SGCD: variants seen among roughly 807,000 people sequenced by gnomAD.
SGCD encodes sarcoglycan delta, also known as delta-sarcoglycan.
A neutral mutation model predicts 36.6 loss-of-function variants in SGCD; 18 were observed. That is an observed-to-expected ratio of 0.49 (90% CI 0.34 to 0.73). The LOEUF is 0.73. Ranked by LOEUF, SGCD falls within the 30% of genes least tolerant of loss-of-function variation. The pLI, the probability that SGCD is intolerant of heterozygous loss-of-function variation, is 0.01. For missense variants in SGCD, 387 were observed against 346.7 expected (o/e 1.12, Z -0.92); for synonymous variants, 133 against 130.6 (o/e 1.02, Z -0.12).
intron 1 of SGCD, among the ~76,000 whole-genome samples, chr5:155,924,478 A>G (rs244958): frequency 0.87 from 131,904 of 152,218 alleles, 57,152 homozygotes; most frequent in Admixed American, 0.91. Flanking sequence ...CATGGAAGGA[A>G]AGCCCAGAGA....
chr5:156,638,448 C>T (rs2113555542), intron 6 of SGCD, among the ~76,000 whole-genome samples: 1 of 152,280 alleles, frequency 6.6e-6, no homozygotes, highest in Non-Finnish European at 1.5e-5. Context: ...AGTGCATCAT[C>T]TTTGAGAACC....
intron 3 of SGCD, among the ~76,000 whole-genome samples, chr5:156,307,557 T>TGTTG (rs1157808007): frequency 7.3e-5 from 7 of 95,628 alleles, no homozygotes; most frequent in Non-Finnish European, 1.4e-4. Context: ...TAACTGTTGT[T>TGTTG]TTTTTTTTTT....
chr5:155,925,383 A>G (rs1029165361), intron 1 of SGCD, among the ~76,000 whole-genome samples: 2 of 152,206 alleles, frequency 1.3e-5, no homozygotes, highest in African/African-American at 4.8e-5. Flanking sequence ...TGGAGGCCAG[A>G]CATGTGAAAT....
chr5:155,769,383 A>G, the SGCD span, among the ~76,000 whole-genome samples: 2 of 151,784 alleles, frequency 1.3e-5, no homozygotes, highest in African/African-American at 4.8e-5. Context: ...AAAAAAAAAG[A>G]AAGAAAAAAG....
In SGCD at chr5:156,068,637, C is replaced by T. The variant is rs1166039023; in HGVS notation, c.-281-49241C>T. On this transcript the variant is annotated intron_variant, in intron 1 of 9. Transcript: ENST00000517913. ...ATTTATAGTCCTTTGGGTATATACC[C>T]AGTAATGGGATGGCTGGGTCAAATG... Among the ~76,000 whole-genome samples, 5 of 151,696 alleles carry T rather than the reference C, an allele frequency of 3.3e-5. No individual in the cohort carries two copies. The East Asian group carries it at 7.7e-4, about 23-fold the overall frequency.
chr5:155,821,148 C>A, the SGCD span, among the ~76,000 whole-genome samples: 2 of 152,116 alleles, frequency 1.3e-5, no homozygotes, highest in African/African-American at 4.8e-5. Context: ...ATACTTGAAA[C>A]CTAAACTGAA....
chr5:156,392,995 A>C (rs952453475), intron 3 of SGCD, among the ~76,000 whole-genome samples: 24 of 152,214 alleles, frequency 1.6e-4, no homozygotes, highest in African/African-American at 5.8e-4. Context: ...TTTGGGCAGA[A>C]AAACAAAAAT....
intron 7 of SGCD, among the ~76,000 whole-genome samples, chr5:156,666,811 A>G (rs1161122426): frequency 1.3e-5 from 2 of 152,110 alleles, no homozygotes; most frequent in East Asian, 3.9e-4. Flanking sequence ...AGCACATAAC[A>G]AAATGGAGTC....
At chr5:155,765,727 AC>A in the SGCD span, among the ~76,000 whole-genome samples, 1 of 152,196 alleles carries the variant, frequency 6.6e-6, no homozygotes, top group Non-Finnish European at 1.5e-5. Context: ...AATTAAAAAA[AC>A]AAAAACAATA....
chr5:156,464,216 A>ATT (rs773294916), intron 3 of SGCD, among the ~76,000 whole-genome samples: 4,506 of 116,148 alleles, frequency 0.039, 176 homozygotes, highest in African/African-American at 0.082. Context: ...GAATCTACAT[A>ATT]TTTTTTTTTT....
chr5:156,146,278 T>A (rs1247677514), intron 3 of SGCD, among the ~76,000 whole-genome samples: 1 of 152,274 alleles, frequency 6.6e-6, no homozygotes, highest in Non-Finnish European at 1.5e-5. Flanking sequence ...CATTCAAAGA[T>A]AAATAAACAT....
chr5:156,302,378 T>C (rs1213780357), intron 3 of SGCD, among the ~76,000 whole-genome samples: 3 of 152,188 alleles, frequency 2.0e-5, no homozygotes, highest in Admixed American at 1.3e-4. Flanking sequence ...TATTTTAATC[T>C]CTCTCTTACA....
rs149613487 is a variant in SGCD at position 156,528,699 on chromosome 5, T to C, written c.294+19997T>C. ...AGAGCTAAGAGAGGGCTAAAGGTAA[T>C]AAGTTTCATCTTTACGTACTCTGCA... On this transcript the variant is annotated intron_variant, in intron 4 of 8. Transcript: ENST00000337851. Among the ~76,000 whole-genome samples, 372 of 152,264 alleles carry C rather than the reference T, an allele frequency of 2.4e-3. 5 individuals carry two copies. Among genetic ancestry groups the C allele is most frequent in the East Asian group, 8.7e-3 (45 of 5,168 alleles).
intron 1 of SGCD, among the ~76,000 whole-genome samples, chr5:155,982,239 A>T (rs1758243620): frequency 6.6e-6 from 1 of 152,110 alleles, no homozygotes; most frequent in South Asian, 2.1e-4. Context: ...CTGTCGGGGC[A>T]TGAGGGCAGG....
At chr5:156,711,672 C>T (rs966889568) in intron 7 of SGCD, among the ~76,000 whole-genome samples, 5 of 152,138 alleles carry the variant, frequency 3.3e-5, no homozygotes, top group Non-Finnish European at 7.4e-5. Flanking sequence ...TTGAAATCAG[C>T]TTTTATATTT....
chr5:155,904,530 A>T (rs1390289616), intron 1 of SGCD, among the ~76,000 whole-genome samples: 1 of 152,190 alleles, frequency 6.6e-6, no homozygotes, highest in Non-Finnish European at 1.5e-5. Flanking sequence ...TTTATTTTAA[A>T]ATATATAATG....
intron 4 of SGCD, among the ~76,000 whole-genome samples, chr5:156,548,165 T>C (rs1193535417): frequency 2.0e-5 from 3 of 152,214 alleles, no homozygotes; most frequent in African/African-American, 7.2e-5. Context: ...AATCCTCTTT[T>C]TAGGTGTTAA....
intron 6 of SGCD, among the ~76,000 whole-genome samples, chr5:156,596,672 C>G (rs923062586): frequency 1.3e-5 from 2 of 152,128 alleles, no homozygotes; most frequent in Non-Finnish European, 2.9e-5. Flanking sequence ...CTCTCTTCCT[C>G]TCTCAGTACA....
intron 7 of SGCD, among the ~76,000 whole-genome samples, chr5:156,749,077 G>A (rs1157189363): frequency 6.6e-6 from 1 of 151,960 alleles, no homozygotes; most frequent in African/African-American, 2.4e-5. Context: ...AATTTTTAAG[G>A]AACTGATGTT....
Sources: allele counts gnomAD v4.1 joint callset (sites outside exome capture counted in the v4.1 genomes callset), GRCh38; gene constraint gnomAD v4.1.1; transcripts MANE v1.5; gene names NCBI Gene and HGNC (gene_info 2026-07-23, HGNC 2026-07-21).